Variants in EFCAB10 observed in about 807,000 individuals in gnomAD.
EFCAB10 encodes EF-hand calcium binding domain 10, also known as EF-hand calcium-binding domain-containing protein 10.
EFCAB10 carries 7 observed loss-of-function variants against 7.7 expected under a neutral mutation model. The ratio of observed to expected loss-of-function variants is 0.91; its 90% CI spans 0.52 to 1.72. The LOEUF (loss-of-function observed/expected upper bound fraction) is 1.72. Ranked by LOEUF, EFCAB10 falls within the 40% of genes most tolerant of loss-of-function variation. EFCAB10 has a pLI of 0.00. For synonymous variants in EFCAB10, 52 were observed against 21.0 expected (o/e 2.47, Z -4.03); for missense variants, 112 against 61.5 (o/e 1.82, Z -2.74).
intron 1 of EFCAB10, among the ~76,000 whole-genome samples, chr7:105,577,221 A>G (rs1034277275): frequency 2.0e-5 from 3 of 152,218 alleles, no homozygotes; most frequent in Non-Finnish European, 4.4e-5. Flanking sequence ...CTTCTACTGG[A>G]AAATTCTGGT....
intron 1 of EFCAB10, chr7:105,573,356 A>C (rs919332695): frequency 6.6e-6 from 1 of 152,238 alleles, no homozygotes; most frequent in Non-Finnish European, 1.5e-5. Context: ...TTTGAATTTC[A>C]ACTCACTACA....
intron 4 of EFCAB10, chr7:105,567,147 T>C: frequency 6.3e-7 from 1 of 1,581,584 alleles, no homozygotes; most frequent in Non-Finnish European, 8.6e-7. Context: ...TGTTTTGAAT[T>C]TGAACGTCGG....
chr7:105,573,287 G>T (rs62487002), intron 1 of EFCAB10: 1 of 152,166 alleles, frequency 6.6e-6, no homozygotes, highest in Non-Finnish European at 1.5e-5. Context: ...TTTGTATGAG[G>T]TCTTCTGTTT....
At chr7:105,579,070 C>T (rs920389215) in intron 1 of EFCAB10, among the ~76,000 whole-genome samples, 1 of 152,142 alleles carries the variant, frequency 6.6e-6, no homozygotes. Context: ...GCACAGCCTC[C>T]ACTCTATTAA....
At chr7:105,570,732 A>C (rs1791928376) in intron 1 of EFCAB10, among the ~76,000 whole-genome samples, 1 of 152,134 alleles carries the variant, frequency 6.6e-6, no homozygotes, top group African/African-American at 2.4e-5. Flanking sequence ...TCTTTCAAAA[A>C]TTTAAGTAAC....
At chr7:105,567,071 A>G in intron 4 of EFCAB10, 1 of 1,170,216 alleles carries the variant, frequency 8.5e-7, no homozygotes, top group Non-Finnish European at 1.2e-6. Flanking sequence ...AATATAATTG[A>G]TGCAGATAAT....
chr7:105,567,571 G>T, intron 3 of EFCAB10, 81 bp from the exon 4 acceptor site: 1 of 609,990 alleles, frequency 1.6e-6, no homozygotes, highest in East Asian at 2.8e-5. Flanking sequence ...GTCTGTTGAA[G>T]ACGAGCAGAG....
At chr7:105,581,290 G>A in intron 1 of EFCAB10, 68 bp downstream of exon 1, 1 of 687,858 alleles carries the variant, frequency 1.5e-6, no homozygotes, top group Non-Finnish European at 2.7e-6. Flanking sequence ...ATGTGTAAGA[G>A]GGGGGTTTCG....
intron 1 of EFCAB10, among the ~76,000 whole-genome samples, chr7:105,575,966 G>A (rs1190217941): frequency 1.3e-5 from 2 of 152,220 alleles, no homozygotes; most frequent in Admixed American, 1.3e-4. Context: ...GAACCTGGGA[G>A]GCAGAGGTTG....
intron 1 of EFCAB10, 24 bp downstream of exon 1, chr7:105,581,334 G>C (rs1586296878): frequency 1.4e-6 from 1 of 702,738 alleles, no homozygotes. Flanking sequence ...AGGTATGGCT[G>C]TACCGGGGCA....
At chr7:105,569,038 G>A (rs918126592) in intron 3 of EFCAB10, among the ~76,000 whole-genome samples, 165 bp downstream of exon 3, 4 of 151,776 alleles carry the variant, frequency 2.6e-5, no homozygotes, top group African/African-American at 9.7e-5. Context: ...CCCAAGTTTA[G>A]GGACTTTACC....
chr7:105,573,575 C>A (rs983892789), intron 1 of EFCAB10: 2 of 152,120 alleles, frequency 1.3e-5, no homozygotes, highest in Non-Finnish European at 2.9e-5. Context: ...AAGACAGAAT[C>A]TTTTTAAATC....
chr7:105,570,242 TATATA>T (rs1175046927), intron 1 of EFCAB10, among the ~76,000 whole-genome samples: 1 of 23,086 alleles, frequency 4.3e-5, no homozygotes, highest in Non-Finnish European at 8.0e-5. Flanking sequence ...AAAAAAAAAA[TATATA>T]TATATATATA....
At chr7:105,578,859 A>G (rs1792151652) in intron 1 of EFCAB10, among the ~76,000 whole-genome samples, 1 of 152,168 alleles carries the variant, frequency 6.6e-6, no homozygotes, top group Non-Finnish European at 1.5e-5. Context: ...TGTAACCTCT[A>G]CTTCCCAGGT....
intron 1 of EFCAB10, among the ~76,000 whole-genome samples, chr7:105,570,477 GA>G (rs1791921209): frequency 6.6e-6 from 1 of 151,552 alleles, no homozygotes; most frequent in South Asian, 2.1e-4. Context: ...CAATCATGAT[GA>G]AAAAGCCAAA....
At chr7:105,572,975 A>G (rs1036865745) in intron 1 of EFCAB10, 2 of 151,774 alleles carry the variant, frequency 1.3e-5, no homozygotes, top group South Asian at 2.1e-4. Context: ...AAAAATGTCT[A>G]TCTATGTCCT....
At chr7:105,570,409 T>C (rs914131081) in intron 1 of EFCAB10, among the ~76,000 whole-genome samples, 8 of 151,200 alleles carry the variant, frequency 5.3e-5, no homozygotes, top group Middle Eastern at 3.4e-3. Flanking sequence ...TTCTGTAGTT[T>C]AAGCAATTTT....
intron 1 of EFCAB10, among the ~76,000 whole-genome samples, chr7:105,579,671 A>G (rs973415253): frequency 1.3e-5 from 2 of 152,182 alleles, no homozygotes; most frequent in Non-Finnish European, 2.9e-5. Flanking sequence ...AGAAAGGCGC[A>G]TTTTCATCTT....
chr7:105,574,870 T>G (rs1586289750), intron 1 of EFCAB10, among the ~76,000 whole-genome samples: 1 of 138,396 alleles, frequency 7.2e-6, no homozygotes. Context: ...CCAAGGAGAG[T>G]GGATCACCTG....
Sources: gnomAD v4.1 joint callset for allele counts (sites outside exome capture counted in the v4.1 genomes callset) on GRCh38, gnomAD v4.1.1 for gene constraint, MANE v1.5 for transcripts, NCBI Gene and HGNC (gene_info 2026-07-23, HGNC 2026-07-21) for gene names.